The following GRB14 variants were observed in gnomAD, a reference collection of about 807,000 sequenced individuals.
GRB14 encodes growth factor receptor bound protein 14, also known as growth factor receptor-bound protein 14.
A neutral mutation model predicts 69.1 loss-of-function variants in GRB14; 38 were observed. The ratio of observed to expected loss-of-function variants is 0.55; its 90% CI spans 0.42 to 0.72. GRB14 has a LOEUF of 0.72. Ranked by LOEUF, GRB14 falls within the 30% of genes least tolerant of loss-of-function variation. The pLI is 0.00. For missense variants in GRB14, 666 were observed against 666.1 expected (o/e 1.00, Z 0.00); for synonymous variants, 247 against 241.3 (o/e 1.02, Z -0.22).
At chr2:164,512,192 G>T (rs1014488772) in intron 6 of GRB14, among the ~76,000 whole-genome samples, 2 of 152,150 alleles carry the variant, frequency 1.3e-5, no homozygotes, top group Admixed American at 6.5e-5. Context: ...TTGAGACAGA[G>T]TTTCACTCTT....
chr2:164,549,923 T>C (rs946675932), intron 2 of GRB14, among the ~76,000 whole-genome samples: 2 of 150,248 alleles, frequency 1.3e-5, no homozygotes, highest in Non-Finnish European at 3.0e-5. Flanking sequence ...TAAAATAAAA[T>C]AAAATAAAAT....
intron 2 of GRB14, among the ~76,000 whole-genome samples, chr2:164,549,858 C>T (rs1688486353): frequency 7.5e-6 from 1 of 133,056 alleles, no homozygotes; most frequent in South Asian, 2.3e-4. Context: ...AGTGAGACTC[C>T]ATCTAAAAAT....
intron 2 of GRB14, among the ~76,000 whole-genome samples, chr2:164,559,469 G>T (rs1433879739): frequency 2.0e-5 from 3 of 152,060 alleles, no homozygotes; most frequent in Non-Finnish European, 4.4e-5. Context: ...AGTCCCCGAA[G>T]TCCATTGTAT....
intron 2 of GRB14, chr2:164,568,538 A>T (rs1439185693): frequency 2.1e-6 from 2 of 972,336 alleles, no homozygotes; most frequent in East Asian, 1.8e-4. Context: ...CCCAAAGCCA[A>T]TTAAGGATGG....
chr2:164,616,971 T>A (rs1395138982), intron 2 of GRB14, among the ~76,000 whole-genome samples: 1 of 152,200 alleles, frequency 6.6e-6, no homozygotes, highest in Non-Finnish European at 1.5e-5. Context: ...GTAATATGTG[T>A]TGCAAAGCTA....
intron 2 of GRB14, among the ~76,000 whole-genome samples, chr2:164,599,843 T>C (rs1428010265): frequency 1.3e-5 from 2 of 152,210 alleles, no homozygotes; most frequent in African/African-American, 4.8e-5. Flanking sequence ...CTTTTGCATA[T>C]CAGAATCTTA....
chr2:164,544,393 G>A (rs1379092088), intron 3 of GRB14, among the ~76,000 whole-genome samples: 1 of 151,930 alleles, frequency 6.6e-6, no homozygotes, highest in African/African-American at 2.4e-5. Flanking sequence ...ATAAATGGTA[G>A]TGACTATAAC....
chr2:164,615,087 T>A lies in GRB14; in HGVS notation c.324+4600A>T, dbSNP rs183844658. On this transcript the variant is annotated intron_variant, in intron 2 of 13. Coordinates refer to ENST00000263915, the MANE Select transcript of GRB14 (RefSeq NM_004490.3). ...GACAGGACACATTGAGACATGATAC[T>A]CTTTTTGATCTCCCTTTATTTAAAC... 2.7e-3 allele frequency among the ~76,000 whole-genome samples: 417 copies of A among 152,278 alleles called. 4 individuals carry two copies. The highest frequency in any genetic ancestry group is 9.6e-3 in the African/African-American group (398 of 41,564).
intron 2 of GRB14, among the ~76,000 whole-genome samples, chr2:164,549,847 G>C (rs1333316389): frequency 1.4e-5 from 2 of 146,958 alleles, no homozygotes; most frequent in Non-Finnish European, 3.0e-5. Flanking sequence ...CTAGGTGACA[G>C]AGTGAGACTC....
intron 2 of GRB14, among the ~76,000 whole-genome samples, chr2:164,570,231 C>T (rs1048879822): frequency 2.8e-5 from 4 of 141,584 alleles, no homozygotes; most frequent in Non-Finnish European, 4.5e-5. Context: ...GAGCCGAGAT[C>T]GCGCCACTGC....
chr2:164,617,132 A>C (rs924443229), intron 2 of GRB14, among the ~76,000 whole-genome samples: 2 of 152,166 alleles, frequency 1.3e-5, no homozygotes, highest in Non-Finnish European at 2.9e-5. Context: ...AAATAAAGTA[A>C]AAAGCAGCCT....
intron 3 of GRB14, among the ~76,000 whole-genome samples, chr2:164,530,516 A>T (rs996762433): frequency 6.6e-6 from 1 of 152,118 alleles, no homozygotes; most frequent in East Asian, 1.9e-4. Context: ...TGCTGAGGAC[A>T]GGGGATAGGA....
At chr2:164,584,294 C>T (rs1689484876) in intron 2 of GRB14, among the ~76,000 whole-genome samples, 2 of 151,170 alleles carry the variant, frequency 1.3e-5, no homozygotes, top group South Asian at 2.1e-4. Context: ...CGTGAACCAC[C>T]GCACCAGGCC....
chr2:164,495,073 T>A (rs1686856852), intron 12 of GRB14, among the ~76,000 whole-genome samples: 1 of 151,962 alleles, frequency 6.6e-6, no homozygotes, highest in South Asian at 2.1e-4. Flanking sequence ...TCCCAGGTAA[T>A]TGGGACTACA....
chr2:164,570,226 G>A (rs931780984), intron 2 of GRB14, among the ~76,000 whole-genome samples: 3 of 140,006 alleles, frequency 2.1e-5, no homozygotes, highest in Non-Finnish European at 3.0e-5. Flanking sequence ...GCAGTGAGCC[G>A]AGATCGCGCC....
At chr2:164,609,838 C>T (rs1409492380) in intron 2 of GRB14, among the ~76,000 whole-genome samples, 1 of 152,170 alleles carries the variant, frequency 6.6e-6, no homozygotes, top group Non-Finnish European at 1.5e-5. Context: ...ATTGTGATTA[C>T]TTCATCACAC....
chr2:164,579,501 G>GCGCGCACGCACACA (rs71393628), intron 2 of GRB14, among the ~76,000 whole-genome samples: 14 of 145,010 alleles, frequency 9.7e-5, no homozygotes, highest in African/African-American at 3.7e-4. Flanking sequence ...GGGCACACTT[G>GCGCGCACGCACACA]CACACACACA....
chr2:164,609,662 A>G (rs1690121342), intron 2 of GRB14, among the ~76,000 whole-genome samples: 1 of 152,212 alleles, frequency 6.6e-6, no homozygotes, highest in Non-Finnish European at 1.5e-5. Flanking sequence ...CCAGAATAGC[A>G]GATAGTACAT....
chr2:164,530,120 GA>G (rs931531344), intron 3 of GRB14, among the ~76,000 whole-genome samples: 1 of 152,144 alleles, frequency 6.6e-6, no homozygotes, highest in Non-Finnish European at 1.5e-5. Flanking sequence ...ATTTATATAG[GA>G]AAGGGGTTTA....
Sources: allele counts gnomAD v4.1 joint callset (sites outside exome capture counted in the v4.1 genomes callset), GRCh38; gene constraint gnomAD v4.1.1; transcripts MANE v1.5; gene names NCBI Gene and HGNC (gene_info 2026-07-23, HGNC 2026-07-21).